Variants in TTC1 observed in about 807,000 individuals in gnomAD.
TTC1 encodes tetratricopeptide repeat protein 1.
TTC1 carries 31 observed loss-of-function variants against 37.6 expected under a neutral mutation model. The ratio of observed to expected loss-of-function variants is 0.82; its 90% CI spans 0.62 to 1.11. The LOEUF (loss-of-function observed/expected upper bound fraction) is 1.11, where lower values mean the gene tolerates loss of function less well. Ranked by LOEUF, TTC1 falls within the 50% of genes most tolerant of loss-of-function variation. The pLI, the probability that TTC1 is intolerant of heterozygous loss-of-function variation, is 0.00. For missense variants in TTC1, 351 were observed against 339.0 expected, an observed-to-expected ratio of 1.04 and a Z score of -0.28; for synonymous variants, 127 against 122.4, an observed-to-expected ratio of 1.04 and a Z score of -0.25.
At chr5:160,048,575 A>G (rs1581114392) in intron 5 of TTC1, among the ~76,000 whole-genome samples, 1 of 152,236 alleles carries the variant, frequency 6.6e-6, no homozygotes, top group East Asian at 1.9e-4. Flanking sequence ...AAAGGAAAAG[A>G]TATTATGCAT....
At chr5:160,043,528 G>A (rs1757139341) in intron 5 of TTC1, among the ~76,000 whole-genome samples, 1 of 152,114 alleles carries the variant, frequency 6.6e-6, no homozygotes, top group South Asian at 2.1e-4. Context: ...AGGAGGTTGG[G>A]GCTGTGGTGA....
At chr5:160,029,732 GCAA>G (rs1756873347) in intron 2 of TTC1, among the ~76,000 whole-genome samples, 2 of 152,278 alleles carry the variant, frequency 1.3e-5, no homozygotes, top group South Asian at 4.1e-4. Flanking sequence ...ATGGAGGTAG[GCAA>G]AGTACAGAAT....
At chr5:160,034,721 CAGAA>C (rs1325925994) in intron 2 of TTC1, among the ~76,000 whole-genome samples, 1 of 152,106 alleles carries the variant, frequency 6.6e-6, no homozygotes, top group East Asian at 1.9e-4. Context: ...AACTAAGGCT[CAGAA>C]AGATTCTGAA....
intron 3 of TTC1, 76 bp from the exon 4 acceptor site, chr5:160,036,615 C>A: frequency 2.0e-6 from 2 of 999,628 alleles, no homozygotes; most frequent in Non-Finnish European, 3.1e-6. Flanking sequence ...GAAAACAGTG[C>A]TTCTGAGATC....
At chr5:160,045,698 T>C (rs1187894245) in intron 5 of TTC1, among the ~76,000 whole-genome samples, 1 of 152,066 alleles carries the variant, frequency 6.6e-6, no homozygotes, top group African/African-American at 2.4e-5. Context: ...TAGCTGGGAC[T>C]ACAGGTGCAC....
intron 2 of TTC1, among the ~76,000 whole-genome samples, chr5:160,023,478 A>G (rs1028024165): frequency 1.3e-5 from 2 of 151,984 alleles, no homozygotes; most frequent in African/African-American, 4.8e-5. Flanking sequence ...TTTTTAGGAG[A>G]GACACGGTCT....
At position 160,049,530 on chromosome 5, in the gene TTC1, C is replaced by T; in HGVS notation, c.558C>T (p.Pro186=). 1 of 1,573,372 alleles carries T rather than the reference C, an allele frequency of 6.4e-7. No individual in the cohort carries two copies. Among genetic ancestry groups the T allele is most frequent in the South Asian group, 1.2e-5 (1 of 83,042 alleles). Residue 186 remains proline, a synonymous_variant, in exon 6 of 8, where the codon CCC becomes CCT. Transcript: ENST00000231238. ...NDCSKAIQLN[P]SYIRAILRRA... is the part of the protein sequence containing the mutation. ...TTTTTACAGCAATTCAATTAAACCC[C>T]AGCTATATCAGGGCAATATTGAGGA... is the stretch of plus-strand genomic sequence containing the variant.
At chr5:160,022,190 A>G (rs1287945967) in intron 2 of TTC1, among the ~76,000 whole-genome samples, 1 of 152,196 alleles carries the variant, frequency 6.6e-6, no homozygotes, top group Admixed American at 6.5e-5. Flanking sequence ...TTTAATAATG[A>G]TAGATGGGGT....
chr5:160,012,526 T>C lies in TTC1; in HGVS notation c.330+1668T>C, dbSNP rs1357324698. Among the ~76,000 whole-genome samples, 3 of 151,896 alleles carry C rather than the reference T, an allele frequency of 2.0e-5. 1 individual carries two copies. The highest frequency in any genetic ancestry group is 4.4e-5 in the Non-Finnish European group (3 of 67,970). On this transcript the variant is annotated intron_variant, in intron 2 of 7. Coordinates refer to ENST00000231238, the MANE Select transcript of TTC1 (RefSeq NM_003314.3). ...GACAACAGGCTTGCACCACCCTGCC[T>C]GGCTAATTTTTGTGGGTTTTTTGGT... is the stretch of plus-strand genomic sequence containing the variant.
chr5:160,028,010 T>A (rs1047603321), intron 2 of TTC1, among the ~76,000 whole-genome samples: 1 of 152,156 alleles, frequency 6.6e-6, no homozygotes, highest in Non-Finnish European at 1.5e-5. Flanking sequence ...TTTAAAGTTA[T>A]CAGCCTTGGC....
At chr5:160,061,730 GA>G (rs1417634464) in intron 7 of TTC1, 8 of 152,086 alleles carry the variant, frequency 5.3e-5, no homozygotes, top group Admixed American at 5.2e-4. Context: ...AGAGATACTG[GA>G]ATTGAAGGAA....
chr5:160,041,609 G>A (rs1330441895), intron 4 of TTC1, among the ~76,000 whole-genome samples: 2 of 151,782 alleles, frequency 1.3e-5, no homozygotes, highest in Non-Finnish European at 2.9e-5. Context: ...CACCATGCCC[G>A]GCCTGTGTTA....
At chr5:160,058,437 G>A (rs1376176084) in intron 7 of TTC1, among the ~76,000 whole-genome samples, 1 of 145,190 alleles carries the variant, frequency 6.9e-6, no homozygotes, top group Admixed American at 6.9e-5. Context: ...TTGAGACGGA[G>A]TCTCGCTGTG....
At chr5:160,027,280 T>A (rs909023258) in intron 2 of TTC1, among the ~76,000 whole-genome samples, 1 of 152,204 alleles carries the variant, frequency 6.6e-6, no homozygotes, top group Non-Finnish European at 1.5e-5. Context: ...CTGCCTACCT[T>A]GGCCTCCCAA....
chr5:160,025,815 G>A (rs1204344975), intron 2 of TTC1, among the ~76,000 whole-genome samples: 2 of 152,096 alleles, frequency 1.3e-5, no homozygotes, highest in Non-Finnish European at 2.9e-5. Flanking sequence ...CGTTGCCAGT[G>A]CAACTCCTGG....
At chr5:160,014,885 A>G (rs1469795707) in intron 2 of TTC1, among the ~76,000 whole-genome samples, 2 of 152,226 alleles carry the variant, frequency 1.3e-5, no homozygotes, top group Admixed American at 6.5e-5. Context: ...AAGCTAGACA[A>G]TGTTAAACAG....
chr5:160,052,575 C>A (rs1451645781), intron 7 of TTC1, among the ~76,000 whole-genome samples: 405 of 48,812 alleles, frequency 8.3e-3, no homozygotes, highest in Middle Eastern at 0.021. Context: ...AAAAAAAAAA[C>A]TGTTTGCATT....
intron 4 of TTC1, among the ~76,000 whole-genome samples, chr5:160,040,463 C>A (rs1413062217): frequency 6.6e-6 from 1 of 152,018 alleles, no homozygotes; most frequent in African/African-American, 2.4e-5. Context: ...AATAAATTCA[C>A]CTTGGTTTAC....
chr5:160,013,346 T>A (rs1756535545), intron 2 of TTC1, among the ~76,000 whole-genome samples: 1 of 152,004 alleles, frequency 6.6e-6, no homozygotes. Context: ...AGAAACAGGA[T>A]AGTGTTATAT....
Sources: gnomAD v4.1 joint callset for allele counts (sites outside exome capture counted in the v4.1 genomes callset) on GRCh38, gnomAD v4.1.1 for gene constraint, MANE v1.5 for transcripts, NCBI Gene and HGNC (gene_info 2026-07-23, HGNC 2026-07-21) for gene names.